Variants in MCHR2 observed in about 807,000 individuals in gnomAD.
MCHR2 encodes the protein melanin-concentrating hormone receptor 2.
Under a neutral mutation model 24.8 loss-of-function variants are expected in MCHR2, and 15 were observed. That is an observed-to-expected ratio of 0.60 (90% confidence interval 0.40 to 0.93). MCHR2 has a LOEUF of 0.93. Among genes scored for constraint, MCHR2 ranks in the 40% least tolerant of loss-of-function variants. The pLI is 0.00. For synonymous variants in MCHR2, 151 were observed against 147.6 expected (o/e 1.02, Z -0.17); for missense variants, 386 against 408.7 (o/e 0.94, Z 0.48).
chr6:99,944,869 G>A (rs1774845824), intron 3 of MCHR2, among the ~76,000 whole-genome samples: 1 of 152,104 alleles, frequency 6.6e-6, no homozygotes, highest in Admixed American at 6.6e-5. Flanking sequence ...TGCTGCTCAA[G>A]CTGGAGCCTG....
intron 5 of MCHR2, among the ~76,000 whole-genome samples, 190 bp downstream of exon 5, chr6:99,934,208 C>G (rs1200941635): frequency 6.6e-6 from 1 of 152,080 alleles, no homozygotes; most frequent in East Asian, 1.9e-4. Context: ...CAACACTCGT[C>G]ACTGAGAGAT....
chr6:99,954,856 T>C (rs576531957), intron 2 of MCHR2, among the ~76,000 whole-genome samples: 1 of 152,296 alleles, frequency 6.6e-6, no homozygotes, highest in East Asian at 1.9e-4. Flanking sequence ...ATAAAATTAT[T>C]CAAAATATTA....
At chr6:99,986,921 T>C (rs1256088498) in intron 1 of MCHR2, among the ~76,000 whole-genome samples, 2 of 151,228 alleles carry the variant, frequency 1.3e-5, no homozygotes, top group Non-Finnish European at 2.9e-5. Context: ...CCCTTAAGTA[T>C]ATAAAAATAT....
intron 5 of MCHR2, among the ~76,000 whole-genome samples, chr6:99,928,507 A>G (rs1171605189): frequency 1.3e-5 from 2 of 152,066 alleles, no homozygotes; most frequent in Non-Finnish European, 2.9e-5. Context: ...TATTGCCACA[A>G]TTTCAGATCC....
At chr6:99,991,852 C>T (rs560586825) in intron 1 of MCHR2, among the ~76,000 whole-genome samples, 2 of 149,348 alleles carry the variant, frequency 1.3e-5, no homozygotes, top group Admixed American at 6.7e-5. Context: ...ATGAGGCATG[C>T]GAACATTGCC....
intron 1 of MCHR2, among the ~76,000 whole-genome samples, chr6:99,983,579 A>G (rs1006433078): frequency 6.6e-6 from 1 of 152,196 alleles, no homozygotes; most frequent in African/African-American, 2.4e-5. Context: ...CATTGTTTTC[A>G]AGGTTATTTA....
intron 4 of MCHR2, among the ~76,000 whole-genome samples, chr6:99,939,905 C>A (rs1774740136): frequency 7.1e-6 from 1 of 141,726 alleles, no homozygotes; most frequent in African/African-American, 2.6e-5. Context: ...TTTGAGAATG[C>A]CATTTCACTC....
At chr6:99,941,078 C>A (rs971847124) in intron 4 of MCHR2, among the ~76,000 whole-genome samples, 1 of 151,882 alleles carries the variant, frequency 6.6e-6, no homozygotes, top group Non-Finnish European at 1.5e-5. Flanking sequence ...TGTCAGGGAA[C>A]CCAAGGTGGT....
chr6:99,945,902 T>C (rs754135082), intron 3 of MCHR2, among the ~76,000 whole-genome samples: 24 of 152,100 alleles, frequency 1.6e-4, no homozygotes, highest in Non-Finnish European at 3.1e-4. Context: ...TGTGCACACA[T>C]ATATACACAG....
At position 99,945,194 on chromosome 6, in the gene MCHR2, G is replaced by A. The variant is rs180873701; in HGVS notation, c.393-2051C>T. 5.8e-3 allele frequency among the ~76,000 whole-genome samples: 877 copies of A among 152,276 alleles called. 6 individuals carry two copies. Among genetic ancestry groups the A allele is most frequent in the Middle Eastern group, 0.01 (3 of 294 alleles). On this transcript the variant is annotated intron_variant, in intron 3 of 5. Transcript: ENST00000281806. ...TAGAATGAAAGCCCCATGAGGGCAG[G>A]AGCCTTGACTATTAGTTTAAGGCCA...
intron 1 of MCHR2, among the ~76,000 whole-genome samples, chr6:99,979,857 T>A (rs186522156): frequency 4.6e-5 from 7 of 152,340 alleles, no homozygotes; most frequent in African/African-American, 1.7e-4. Context: ...AGGAGGGATC[T>A]TTAATAGGGT....
chr6:99,982,116 T>A (rs193148770), intron 1 of MCHR2, among the ~76,000 whole-genome samples: 1 of 152,208 alleles, frequency 6.6e-6, no homozygotes, highest in African/African-American at 2.4e-5. Flanking sequence ...AGATGGAACA[T>A]CGGGTTTTCC....
intron 1 of MCHR2, among the ~76,000 whole-genome samples, chr6:99,960,582 T>C: frequency 6.6e-6 from 1 of 152,108 alleles, no homozygotes; most frequent in Non-Finnish European, 1.5e-5. Context: ...CTTCAAACTA[T>C]ACTACAAGGC....
intron 3 of MCHR2, among the ~76,000 whole-genome samples, chr6:99,945,148 C>T (rs1219668386): frequency 6.6e-6 from 1 of 152,192 alleles, no homozygotes; most frequent in African/African-American, 2.4e-5. Flanking sequence ...GGACTCTTCA[C>T]TTAATGTCTG....
At chr6:99,933,690 C>T (rs1774591639) in intron 5 of MCHR2, among the ~76,000 whole-genome samples, 1 of 151,968 alleles carries the variant, frequency 6.6e-6, no homozygotes, top group African/African-American at 2.4e-5. Context: ...CAGGGAAACC[C>T]AGCAAACTTG....
At chr6:99,930,171 C>G (rs1277573643) in intron 5 of MCHR2, among the ~76,000 whole-genome samples, 1 of 152,344 alleles carries the variant, frequency 6.6e-6, no homozygotes, top group East Asian at 1.9e-4. Context: ...TTGGCCCTCA[C>G]TTTCTCCTGG....
chr6:99,975,216 C>T (rs558942312), intron 1 of MCHR2, among the ~76,000 whole-genome samples: 96 of 152,318 alleles, frequency 6.3e-4, no homozygotes, highest in African/African-American at 2.2e-3. Context: ...CTGTGGTGGG[C>T]TCCACCCAGT....
In MCHR2 at chr6:99,957,536, C is replaced by G. The variant is rs1026831843; in HGVS notation, c.-27-1362G>C. ...AAACATGAAAGAATGTCCACTATCA[C>G]CACTTTTCTTCAATATTGGACTTTT... is the stretch of plus-strand genomic sequence containing the variant. On this transcript the variant is annotated intron_variant, in intron 1 of 5. Transcript: ENST00000281806. Among the ~76,000 whole-genome samples the G allele has an allele frequency of 7.9e-5, 12 of 152,038 alleles. 1 individual carries two copies. In the East Asian group the frequency reaches 2.3e-3, roughly 29 times the overall value.
Position 99,941,723 on chromosome 6 carries a change from T to C in MCHR2, c.587+1226A>G, listed in dbSNP as rs1255536696. Reference sequence around the variant, plus strand: ...CATCAGAACTTGATCATGCTGGCAGTTTCATCTTGGATTTCCAGCTTCTAG... The same window carrying C: ...CATCAGAACTTGATCATGCTGGCAGCTTCATCTTGGATTTCCAGCTTCTAG... On this transcript the variant is annotated intron_variant, in intron 4 of 5. Coordinates refer to ENST00000281806, the MANE Select transcript of MCHR2 (RefSeq NM_001040179.2). Among the ~76,000 whole-genome samples the C allele has an allele frequency of 2.0e-5, 3 of 152,162 alleles. No homozygotes were observed. In the South Asian group the frequency reaches 6.2e-4, roughly 31 times the overall value.
Sources: gnomAD v4.1 joint callset for allele counts (sites outside exome capture counted in the v4.1 genomes callset) on GRCh38, gnomAD v4.1.1 for gene constraint, MANE v1.5 for transcripts, NCBI Gene and HGNC (gene_info 2026-07-23, HGNC 2026-07-21) for gene names.